EVC2: variants seen among roughly 807,000 people sequenced by gnomAD.
EVC2 encodes the protein limbin.
In EVC2, 148 loss-of-function variants were observed where a neutral mutation model predicts 149.3. The ratio of observed to expected loss-of-function variants is 0.99; its 90% CI spans 0.87 to 1.14. The LOEUF is 1.14. Ranked by LOEUF, EVC2 falls within the 50% of genes most tolerant of loss-of-function variation. The pLI is 0.00. For synonymous variants in EVC2, 776 were observed against 649.9 expected (o/e 1.19, Z -2.95); for missense variants, 1,854 against 1,627.3 (o/e 1.14, Z -2.40).
At chr4:5,530,220 G>A in the EVC2 span, among the ~76,000 whole-genome samples, 4 of 152,286 alleles carry the variant, frequency 2.6e-5, no homozygotes, top group African/African-American at 9.6e-5. Context: ...ATGGATGCCA[G>A]GCTTCCAAAA....
chr4:5,625,752 T>C lies in EVC2; in HGVS notation c.2043A>G (p.Gln681=), dbSNP rs774467445. The part of the protein sequence containing the change: ...LITKRRRELL[Q]KHREQRREQA... ...AATAGCATCATGCCTTATATACCTT[T>C]TGTAGCAACTCTCGTCTTCTCTTAG... Residue 681 remains glutamine, a synonymous_variant, in exon 13 of 22, where the codon CAA becomes CAG. Coordinates refer to ENST00000344408, the MANE Select transcript of EVC2 (RefSeq NM_147127.5). The surrounding 1 kb of genome is among the most constrained non-coding windows in gnomAD (Gnocchi z 4.0). The C allele has an allele frequency of 4.3e-6, 7 of 1,614,160 alleles. No homozygotes were observed. The highest frequency in any genetic ancestry group is 5.9e-6 in the Non-Finnish European group (7 of 1,180,036).
At position 5,576,191 on chromosome 4, in the gene EVC2, G is replaced by T. The variant is rs375625169; in HGVS notation, c.3272+49C>A. The T allele has an allele frequency of 1.2e-6, 2 of 1,613,680 alleles. No homozygotes were observed. The highest frequency in any genetic ancestry group is 2.2e-5 in the South Asian group (2 of 91,042). On this transcript the variant is annotated intron_variant, in intron 18 of 21. Transcript: ENST00000344408. The surrounding 1 kb of genome is among the most constrained non-coding windows in gnomAD (Gnocchi z 4.5). ...TGAGTTGGAGATGCCAGGTTCTCCAGGACTGCTGGGGACTAATATCTTTGA... is the reference window on the plus strand; with the variant it reads ...TGAGTTGGAGATGCCAGGTTCTCCATGACTGCTGGGGACTAATATCTTTGA...
At chr4:5,584,289 C>T (rs1035295671) in intron 17 of EVC2, among the ~76,000 whole-genome samples, 4 of 152,124 alleles carry the variant, frequency 2.6e-5, no homozygotes, top group Non-Finnish European at 2.9e-5. Flanking sequence ...TAACCCAGTA[C>T]ACTGTTGCAT....
rs183668931 is a variant in EVC2, at chr4:5,549,259, G to A, written c.3420-6047C>T. Among the ~76,000 whole-genome samples, 21 of 152,240 alleles carry A rather than the reference G, an allele frequency of 1.4e-4. 1 individual carries two copies. The highest frequency in any genetic ancestry group is 6.8e-3 in the Middle Eastern group (2 of 294). On this transcript the variant is annotated intron_variant and NMD_transcript_variant, in intron 21 of 22. Transcript: ENST00000475313. ...GGCACTTAACCTGTACTGGGTACCC[G>A]GGTACGGGAGTTTGCTTTCTATTTT... is the stretch of plus-strand genomic sequence containing the variant.
intron 16 of EVC2, among the ~76,000 whole-genome samples, chr4:5,598,158 G>C (rs1274614184): frequency 4.0e-5 from 6 of 151,720 alleles, no homozygotes; most frequent in Non-Finnish European, 8.9e-5. Flanking sequence ...GTAATTTATA[G>C]ATTCAATGCC....
chr4:5,645,265 T>C (rs113904997), intron 9 of EVC2, among the ~76,000 whole-genome samples: 17,474 of 138,862 alleles, frequency 0.13, 1,039 homozygotes, highest in Non-Finnish European at 0.14. Flanking sequence ...TTTTTTTTTT[T>C]CTTAACTTTT....
At chr4:5,580,451 C>T (rs1323480207) in intron 17 of EVC2, among the ~76,000 whole-genome samples, 3 of 152,214 alleles carry the variant, frequency 2.0e-5, no homozygotes, top group Non-Finnish European at 4.4e-5. Context: ...GTTGTACTCT[C>T]CAATTATTAT....
chr4:5,531,032 C>T, the EVC2 span, among the ~76,000 whole-genome samples: 5,533 of 152,224 alleles, frequency 0.036, 214 homozygotes, highest in African/African-American at 0.092. Flanking sequence ...TTAATTCTCA[C>T]AATAACACTC....
chr4:5,618,955 C>T lies in EVC2; in HGVS notation c.2502-273G>A, dbSNP rs1429452382. 6.6e-6 allele frequency among the ~76,000 whole-genome samples: 1 copy of T among 152,160 alleles called. No homozygotes were observed. Among genetic ancestry groups the T allele is most frequent in the Non-Finnish European group, 1.5e-5 (1 of 68,030 alleles). ...GAGGCAACAGGCCTTCCAGTGCCCA[C>T]GACCTTGCAATTAACCTGGTCTCAC... On this transcript the variant is annotated intron_variant, in intron 14 of 21. Coordinates refer to ENST00000344408, the MANE Select transcript of EVC2 (RefSeq NM_147127.5). The surrounding 1 kb of genome is among the most constrained non-coding windows in gnomAD (Gnocchi z 4.4).
chr4:5,584,903 G>A (rs1221091687), intron 16 of EVC2, 53 bp from the exon 17 acceptor site: 21 of 1,589,748 alleles, frequency 1.3e-5, no homozygotes, highest in Non-Finnish European at 1.8e-5. Flanking sequence ...GTAGAGGAGG[G>A]TGGAGGAGAA....
intron 9 of EVC2, among the ~76,000 whole-genome samples, chr4:5,654,271 G>A (rs548264331): frequency 6.6e-6 from 1 of 151,102 alleles, no homozygotes; most frequent in Non-Finnish European, 1.5e-5. Context: ...AGGAGGCCTG[G>A]AGTGAGGCCT....
At chr4:5,619,161 C>T (rs1334008735) in intron 14 of EVC2, among the ~76,000 whole-genome samples, 2 of 152,154 alleles carry the variant, frequency 1.3e-5, no homozygotes, top group Admixed American at 6.5e-5. Context: ...CAGTGAAAAT[C>T]GATTCCATGC....
intron 1 of EVC2, among the ~76,000 whole-genome samples, chr4:5,700,945 T>A (rs1038084067): frequency 6.6e-6 from 1 of 152,254 alleles, no homozygotes; most frequent in Non-Finnish European, 1.5e-5. Flanking sequence ...ACTGCAAATG[T>A]AGTGGCTTAA....
At chr4:5,666,816 GTATC>G (rs1435014867) in intron 7 of EVC2, among the ~76,000 whole-genome samples, 1 of 152,096 alleles carries the variant, frequency 6.6e-6, no homozygotes, top group Non-Finnish European at 1.5e-5. Context: ...AGTATCCTAA[GTATC>G]TATTTATTCT....
At position 5,694,392 on chromosome 4, in the gene EVC2, T is replaced by TA. The variant is rs774416029; in HGVS notation, c.392dup (p.Pro132ThrfsTer5). On this transcript the variant is annotated frameshift_variant, in exon 3 of 22. Transcript: ENST00000344408. LOFTEE classifies it high-confidence loss of function. ...ATAAGTTCTTCTTAGGCCAGGAGGG[T>TA]ATAAAAGCAAATAAGGAATGAGCCC... The TA allele has an allele frequency of 6.2e-7, 1 of 1,614,072 alleles. No individual in the cohort carries two copies. The highest frequency in any genetic ancestry group is 8.5e-7 in the Non-Finnish European group (1 of 1,180,002).
chr4:5,579,880 T>C (rs1711609385), intron 17 of EVC2, among the ~76,000 whole-genome samples: 2 of 152,052 alleles, frequency 1.3e-5, no homozygotes, highest in South Asian at 4.2e-4. Flanking sequence ...CAGGTGAGGC[T>C]TGGGAAAGTA....
chr4:5,674,926 G>C (rs764281932), intron 7 of EVC2, among the ~76,000 whole-genome samples: 10 of 152,150 alleles, frequency 6.6e-5, no homozygotes, highest in Non-Finnish European at 1.0e-4. Context: ...AGTGGGCTTC[G>C]AATGTCCACG....
chr4:5,547,672 A>G (rs1721648025), intron 21 of EVC2, among the ~76,000 whole-genome samples: 1 of 152,182 alleles, frequency 6.6e-6, no homozygotes, highest in Non-Finnish European at 1.5e-5. Flanking sequence ...GTGTCACTCA[A>G]TAAAGCTCCT....
At chr4:5,645,726 T>G (rs1717661518) in intron 9 of EVC2, among the ~76,000 whole-genome samples, 1 of 152,186 alleles carries the variant, frequency 6.6e-6, no homozygotes. Context: ...TAAATATACA[T>G]GTGTATGTGT....
Sources: gnomAD v4.1 joint callset for allele counts (sites outside exome capture counted in the v4.1 genomes callset) on GRCh38, gnomAD v4.1.1 for gene constraint, Gnocchi (gnomAD v3.1) non-coding constraint, MANE v1.5 for transcripts, NCBI Gene and HGNC (gene_info 2026-07-23, HGNC 2026-07-21) for gene names.